RNF8: variants seen among roughly 807,000 people sequenced by gnomAD.
RNF8 encodes the protein E3 ubiquitin-protein ligase RNF8.
RNF8 carries 8 observed loss-of-function variants against 59.3 expected under a neutral mutation model. The observed-to-expected ratio is 0.13, with a 90% CI of 0.08 to 0.24. The LOEUF (loss-of-function observed/expected upper bound fraction) is 0.24, where lower values mean the gene tolerates loss of function less well. Among genes scored for constraint, RNF8 ranks in the 10% least tolerant of loss-of-function variants. RNF8 has a pLI of 1.00. For missense variants in RNF8, 406 were observed against 572.6 expected, an observed-to-expected ratio of 0.71 and a Z score of 2.97; for synonymous variants, 162 against 200.0, an observed-to-expected ratio of 0.81 and a Z score of 1.60.
intron 1 of RNF8, among the ~76,000 whole-genome samples, chr6:37,356,534 C>T (rs913165180): frequency 6.6e-6 from 1 of 152,138 alleles, no homozygotes; most frequent in Non-Finnish European, 1.5e-5. Flanking sequence ...TGGCTTTAAG[C>T]TTGTTAAAGC....
At chr6:37,389,693 A>G (rs963462711) in intron 7 of RNF8, among the ~76,000 whole-genome samples, 4 of 150,822 alleles carry the variant, frequency 2.7e-5, no homozygotes, top group African/African-American at 9.8e-5. Flanking sequence ...TAGAAAGAAG[A>G]GTATCGTGGG....
At chr6:37,359,352 G>C in intron 1 of RNF8, 1 of 330,898 alleles carries the variant, frequency 3.0e-6, no homozygotes, top group Admixed American at 4.2e-5. Flanking sequence ...GGTATATCCA[G>C]ATGGTGTGGG....
At chr6:37,374,519 C>T in intron 4 of RNF8, 101 bp from the exon 5 acceptor site, 1 of 830,998 alleles carries the variant, frequency 1.2e-6, no homozygotes, top group Non-Finnish European at 2.0e-6. Context: ...ATCCCTGAAC[C>T]ACAAAGTCAC....
intron 6 of RNF8, among the ~76,000 whole-genome samples, chr6:37,380,932 C>G (rs1770235622): frequency 6.6e-6 from 1 of 152,124 alleles, no homozygotes; most frequent in South Asian, 2.1e-4. Context: ...ACCCACCCAC[C>G]TTGGCCTTCC....
At chr6:37,388,225 C>T (rs776135854) in intron 7 of RNF8, among the ~76,000 whole-genome samples, 1 of 152,158 alleles carries the variant, frequency 6.6e-6, no homozygotes, top group Admixed American at 6.6e-5. Flanking sequence ...ATCCACAGGT[C>T]TGTGGGACTG....
chr6:37,370,539 G>C (rs1769758929), intron 3 of RNF8, among the ~76,000 whole-genome samples: 1 of 152,138 alleles, frequency 6.6e-6, no homozygotes, highest in African/African-American at 2.4e-5. Flanking sequence ...TTGGTTTAGA[G>C]AATTTCTCTG....
Position 37,368,655 on chromosome 6 carries a change from C to T in RNF8, c.412C>T (p.Pro138Ser). 16 of 1,613,676 alleles carry T rather than the reference C, an allele frequency of 9.9e-6. No individual in the cohort carries two copies. The highest frequency in any genetic ancestry group is 1.4e-5 in the Non-Finnish European group (16 of 1,179,896). ...GGAGACAATATATCCTTGTCTTTCC[C>T]CAAAGAATGACCAAATGATAGAAAA... ...DWETIYPCLS[P>S]KNDQMIEKNK... The change falls in exon 3 of 8, where the codon CCA (proline) becomes TCA (serine). Residue 138 changes from proline (P) to serine (S), a missense_variant. This residue lies in a region of RNF8 where 285 missense variants were observed against 342.0 expected (regional missense o/e 0.83). Coordinates refer to ENST00000373479, the MANE Select transcript of RNF8 (RefSeq NM_003958.4).
At chr6:37,366,842 G>C (rs919283373) in intron 2 of RNF8, among the ~76,000 whole-genome samples, 3 of 152,166 alleles carry the variant, frequency 2.0e-5, no homozygotes, top group Non-Finnish European at 4.4e-5. Flanking sequence ...ATGCTCACCA[G>C]TATATTTCAA....
At chr6:37,382,463 G>T (rs1001210575) in intron 7 of RNF8, among the ~76,000 whole-genome samples, 2 of 152,098 alleles carry the variant, frequency 1.3e-5, no homozygotes, top group Non-Finnish European at 2.9e-5. Flanking sequence ...TGATGTCAAG[G>T]CTTAGAAAGT....
At chr6:37,371,075 G>A (rs141692955) in intron 3 of RNF8, among the ~76,000 whole-genome samples, 1 of 152,174 alleles carries the variant, frequency 6.6e-6, no homozygotes, top group Non-Finnish European at 1.5e-5. Context: ...AAACTGAAGT[G>A]GTAAAGACTC....
At position 37,378,832 on chromosome 6, in the gene RNF8, C is replaced by G. The variant is rs530745120; in HGVS notation, c.1236+1799C>G. Among the ~76,000 whole-genome samples, 4 of 152,018 alleles carry G rather than the reference C, an allele frequency of 2.6e-5. No individual in the cohort carries two copies. The East Asian group carries it at 7.7e-4, about 29-fold the overall frequency. Reference sequence around the variant, plus strand: ...GTTGTTTTGACAGGGCTTATGGACTCTATAAGAGGAAGACAAGGAACGGGG... The same window carrying G: ...GTTGTTTTGACAGGGCTTATGGACTGTATAAGAGGAAGACAAGGAACGGGG... On this transcript the variant is annotated intron_variant, in intron 6 of 7. Coordinates refer to ENST00000373479, the MANE Select transcript of RNF8 (RefSeq NM_003958.4).
At chr6:37,369,393 GTT>G (rs1769704387) in intron 3 of RNF8, among the ~76,000 whole-genome samples, 175 bp downstream of exon 3, 1 of 152,184 alleles carries the variant, frequency 6.6e-6, no homozygotes, top group African/African-American at 2.4e-5. Flanking sequence ...TGAGTAGAGG[GTT>G]AAGGCTTCAG....
intron 6 of RNF8, 40 bp downstream of exon 6, chr6:37,377,073 T>TC (rs781598141): frequency 8.8e-7 from 1 of 1,137,248 alleles, no homozygotes; most frequent in East Asian, 2.8e-5. Flanking sequence ...TTTTTTTTTT[T>TC]TTTTTTTTTT....
At chr6:37,377,147 A>G (rs368935611) in intron 6 of RNF8, 114 bp downstream of exon 6, 3 of 584,450 alleles carry the variant, frequency 5.1e-6, no homozygotes, top group South Asian at 2.2e-5. Context: ...ATCTCGGCTC[A>G]CTGCAACCTC....
rs772427417 is a variant in RNF8 at position 37,381,143 on chromosome 6, A to G, written c.1237-7A>G. 11 of 1,612,262 alleles carry G rather than the reference A, an allele frequency of 6.8e-6. No individual in the cohort carries two copies. In the African/African-American group the frequency reaches 1.2e-4, roughly 18 times the overall value. On this transcript the variant is annotated splice_polypyrimidine_tract_variant and splice_region_variant and intron_variant, in intron 6 of 7. Transcript: ENST00000373479. ...TTCTGATATGTGTGTCCACATTCCT[A>G]CTGTAGGCTGTCACCTTGAACTGTG...
At chr6:37,383,584 G>A (rs1770364579) in intron 7 of RNF8, among the ~76,000 whole-genome samples, 1 of 152,184 alleles carries the variant, frequency 6.6e-6, no homozygotes, top group Admixed American at 6.6e-5. Flanking sequence ...ATTTCACCAA[G>A]AACAGCCTCA....
chr6:37,381,252 A>G lies in RNF8; in HGVS notation c.1339A>G (p.Lys447Glu). 1 of 1,614,234 alleles carries G rather than the reference A, an allele frequency of 6.2e-7. No homozygotes were observed. The highest frequency in any genetic ancestry group is 2.2e-5 in the East Asian group (1 of 44,884). ...CATTTGTCGGAAGGACATTAAGTCCAAAACGTACTCTTTGGTTCTGGACAA... is the reference window on the plus strand; with the variant it reads ...CATTTGTCGGAAGGACATTAAGTCCGAAACGTACTCTTTGGTTCTGGACAA... ...CPICRKDIKS[K>E]TYSLVLDNCI... The change falls in exon 7 of 8, where the codon AAA becomes GAA. Residue 447 changes from lysine (K) to glutamate (E), a missense_variant. By Grantham distance (56) the Lys-to-Glu change is moderately conservative. Transcript: ENST00000373479.
At chr6:37,378,061 AG>A (rs945821718) in intron 6 of RNF8, among the ~76,000 whole-genome samples, 2 of 152,226 alleles carry the variant, frequency 1.3e-5, no homozygotes, top group Admixed American at 6.5e-5. Context: ...TGGAAGGCCA[AG>A]GCAAGAGGAT....
At chr6:37,363,713 T>C (rs1225334168) in intron 2 of RNF8, among the ~76,000 whole-genome samples, 6 of 152,196 alleles carry the variant, frequency 3.9e-5, no homozygotes, top group Admixed American at 2.6e-4. Context: ...TTCATTAAAG[T>C]TGAACATACA....
Sources: gnomAD v4.1 joint callset for allele counts (sites outside exome capture counted in the v4.1 genomes callset) on GRCh38, gnomAD v4.1.1 for gene constraint, gnomAD v4.1.1 regional missense constraint, MANE v1.5 for transcripts, NCBI Gene and HGNC (gene_info 2026-07-23, HGNC 2026-07-21) for gene names.